The following ACADVL variants were observed in gnomAD, a reference collection of about 807,000 sequenced individuals.
ACADVL encodes very long-chain acyl-CoA dehydrogenase, mitochondrial.
A neutral mutation model predicts 80.4 loss-of-function variants in ACADVL; 73 were observed. That is an observed-to-expected ratio of 0.91 (90% CI 0.75 to 1.10). ACADVL has a LOEUF of 1.10. ACADVL is among the 50% of genes least tolerant of loss of function. ACADVL has a pLI of 0.00. For missense variants in ACADVL, 878 were observed against 858.9 expected (o/e 1.02, Z -0.28); for synonymous variants, 392 against 326.5 (o/e 1.20, Z -2.16).
chr17:7,223,145 A>C lies in ACADVL; in HGVS notation c.1090A>C (p.Thr364Pro). 6.2e-7 allele frequency: 1 copy of C among 1,613,690 alleles called. No homozygotes were observed. Among genetic ancestry groups the C allele is most frequent in the Non-Finnish European group, 8.5e-7 (1 of 1,179,608 alleles). ...GACCCTCTTCCAGGTAGATCATGCCACTAATCGTACCCAGTTTGGGGAGAA... is the reference window on the plus strand; with the variant it reads ...GACCCTCTTCCAGGTAGATCATGCCCCTAATCGTACCCAGTTTGGGGAGAA... ...GIIAKAVDHA[T>P]NRTQFGEKIH... Residue 364 changes from threonine to proline, a missense_variant, in exon 11 of 20, where the codon ACT becomes CCT. Thr to Pro is a conservative substitution (Grantham distance 38). Transcript: ENST00000356839.
intron 2 of ACADVL, 46 bp from the exon 3 acceptor site, chr17:7,220,418 C>T (rs1195046530): frequency 6.2e-7 from 1 of 1,611,604 alleles, no homozygotes; most frequent in Non-Finnish European, 8.5e-7. Context: ...CCCCTTGACA[C>T]AGCGGAAGTC....
Position 7,224,492 on chromosome 17 carries a change from C to A in ACADVL, c.1618C>A (p.Leu540Met), listed in dbSNP as rs865963860. Reference protein sequence around the residue: ...SRSGELAVRALEQFATVVEAK... With the variant: ...SRSGELAVRAMEQFATVVEAK... Reference sequence around the variant, plus strand: ...CCCATCTCTTAAGGCAGTACGGGCTCTGGAGCAGTTTGCCACTGTGGTGGA... The same window carrying A: ...CCCATCTCTTAAGGCAGTACGGGCTATGGAGCAGTTTGCCACTGTGGTGGA... The change falls in exon 17 of 20, where the codon CTG (leucine) becomes ATG (methionine). Residue 540 changes from leucine to methionine, a missense_variant. Leu to Met is a conservative substitution (Grantham distance 15). Transcript: ENST00000356839. The A allele has an allele frequency of 6.2e-7, 1 of 1,613,852 alleles. No individual in the cohort carries two copies. The highest frequency in any genetic ancestry group is 1.7e-4 in the Middle Eastern group (1 of 6,056).
rs768537914 is a variant in ACADVL at position 7,220,599 on chromosome 17, C to G, written c.205-5C>G. 9.3e-6 allele frequency: 15 copies of G among 1,614,210 alleles called. No homozygotes were observed. The highest frequency in any genetic ancestry group is 1.3e-5 in the Non-Finnish European group (15 of 1,180,040). On this transcript the variant is annotated splice_region_variant and splice_polypyrimidine_tract_variant and intron_variant, in intron 3 of 19. Coordinates refer to ENST00000356839, the MANE Select transcript of ACADVL (RefSeq NM_000018.4). ...GAGCCCTGAAATTTGCCTCTCTCTG[C>G]CCAGGAATCTAAGTCCTTTGCTGTG...
chr17:7,224,490 C>G lies in ACADVL; in HGVS notation c.1616C>G (p.Ala539Gly), dbSNP rs781613690. 6.2e-7 allele frequency: 1 copy of G among 1,613,806 alleles called. No individual in the cohort carries two copies. The highest frequency in any genetic ancestry group is 8.5e-7 in the Non-Finnish European group (1 of 1,180,004). ...TCCCCATCTCTTAAGGCAGTACGGG[C>G]TCTGGAGCAGTTTGCCACTGTGGTG... is the stretch of plus-strand genomic sequence containing the variant. ...LSRSGELAVR[A>G]LEQFATVVEA... is the part of the protein sequence containing the mutation. Residue 539 changes from alanine (A) to glycine (G), a missense_variant, in exon 17 of 20, where the codon GCT becomes GGT. Ala to Gly is a moderately conservative substitution (Grantham distance 60). Transcript: ENST00000356839.
rs398123081 is a variant in ACADVL, at chr17:7,223,980, G to C, written c.1345G>C (p.Glu449Gln). ...GGCCCTGTGCTAGGAACCTGGAGTA[G>C]AGCGTGTGCTCCGAGATCTTCGCAT... Reference protein sequence around the residue: ...GMGFMKEPGVERVLRDLRIFR... With the variant: ...GMGFMKEPGVQRVLRDLRIFR... The change falls in exon 14 of 20, where the codon GAG becomes CAG. Residue 449 changes from glutamate to glutamine, a missense_variant. By Grantham distance (29) the Glu-to-Gln change is conservative. Transcript: ENST00000356839. The C allele has an allele frequency of 1.2e-6, 2 of 1,613,812 alleles. No homozygotes were observed. Among genetic ancestry groups the C allele is most frequent in the East Asian group, 2.2e-5 (1 of 44,880 alleles).
rs1295605212 is a variant in ACADVL, at chr17:7,224,542, G to A, written c.1668G>A (p.Lys556=). 6.2e-7 allele frequency: 1 copy of A among 1,606,942 alleles called. No homozygotes were observed. Among genetic ancestry groups the A allele is most frequent in the South Asian group, 1.1e-5 (1 of 90,728 alleles). Residue 556 remains lysine (K), a synonymous_variant, in exon 17 of 20, where the codon AAG becomes AAA. Coordinates refer to ENST00000356839, the MANE Select transcript of ACADVL (RefSeq NM_000018.4). ...VVEAKLIKHK[K]GIVNEQFLLQ... is the part of the protein sequence containing the mutation. Reference sequence around the variant, plus strand: ...AGGCCAAGCTGATAAAACACAAGAAGGGGATTGTCAGTAAGTGAGCTCTAC... The same window carrying A: ...AGGCCAAGCTGATAAAACACAAGAAAGGGATTGTCAGTAAGTGAGCTCTAC...
At chr17:7,218,341 C>T, upstream of ACADVL, 1 of 1,542,554 alleles carries the variant, frequency 6.5e-7, no homozygotes, top group Middle Eastern at 1.7e-4. Flanking sequence ...GCACATCACC[C>T]CTGTCATCAC....
upstream of ACADVL, chr17:7,218,172 G>A: frequency 1.5e-6 from 2 of 1,375,532 alleles, no homozygotes; most frequent in South Asian, 1.3e-5. Context: ...TAATATTAGT[G>A]ATATTTGGCT....
upstream of ACADVL, chr17:7,219,509 C>T (rs41283403): frequency 0.034 from 35,857 of 1,065,010 alleles, 711 homozygotes; most frequent in Middle Eastern, 0.038. Flanking sequence ...ACCACTGTAC[C>T]CTCCCTTTTG....
upstream of ACADVL, chr17:7,217,714 A>G (rs2070996942): frequency 6.5e-7 from 1 of 1,534,264 alleles, no homozygotes; most frequent in Non-Finnish European, 8.7e-7. Flanking sequence ...CTGTGCTGGC[A>G]GGAACCCGGA....
intron 2 of ACADVL, 55 bp from the exon 3 acceptor site, chr17:7,220,409 C>G: frequency 6.2e-7 from 1 of 1,610,690 alleles, no homozygotes; most frequent in Non-Finnish European, 8.5e-7. Context: ...GCCTGTTCTC[C>G]CCTTGACACA....
At chr17:7,222,451 G>T in intron 9 of ACADVL, 149 bp downstream of exon 9, 1 of 1,322,728 alleles carries the variant, frequency 7.6e-7, no homozygotes. Context: ...GTATGCAACT[G>T]AGCTAAAGTT....
At chr17:7,222,347 C>T in intron 9 of ACADVL, 45 bp downstream of exon 9, 3 of 1,600,948 alleles carry the variant, frequency 1.9e-6, no homozygotes, top group Non-Finnish European at 2.6e-6. Context: ...AGGGGCAGGA[C>T]TGGGCTCCTG....
In ACADVL at chr17:7,225,060, G is replaced by A. The variant is rs774762384; in HGVS notation, c.1931G>A (p.Arg644Gln). Reference sequence around the variant, plus strand: ...AGCATCTCCAAGGCCTTGGTGGAGCGGGGTGGTGTGGTCACCAGCAACCCA... The same window carrying A: ...AGCATCTCCAAGGCCTTGGTGGAGCAGGGTGGTGTGGTCACCAGCAACCCA... ...FKSISKALVE[R>Q]GGVVTSNPLG... Residue 644 changes from arginine (R) to glutamine (Q), a missense_variant, in exon 20 of 20, where the codon CGG becomes CAG. Physicochemically the swap from Arg to Gln is conservative, Grantham distance 43 (BLOSUM62 1). Transcript: ENST00000356839. 29 of 1,614,066 alleles carry A rather than the reference G, an allele frequency of 1.8e-5. No homozygotes were observed. The highest frequency in any genetic ancestry group is 1.3e-4 in the East Asian group (6 of 44,870).
rs1214739991 is a variant in ACADVL, at chr17:7,224,236, C to T, written c.1525C>T (p.Leu509=). The change falls in exon 15 of 20, where the codon CTG becomes TTG. Residue 509 remains leucine, a synonymous_variant. Transcript: ENST00000356839. ...GLLLGEAGKQ[L]RRRAGLGSGL... ...CCTGCTAGGAGAGGCAGGCAAACAG[C>T]TGAGGCGGTAGGCTTAGGGCCAGAG... is the stretch of plus-strand genomic sequence containing the variant. 1 of 1,613,760 alleles carries T rather than the reference C, an allele frequency of 6.2e-7. No individual in the cohort carries two copies. The highest frequency in any genetic ancestry group is 1.3e-5 in the African/African-American group (1 of 74,920).
upstream of ACADVL, chr17:7,217,902 C>T: frequency 7.5e-7 from 1 of 1,341,472 alleles, no homozygotes; most frequent in Non-Finnish European, 1.0e-6. Context: ...AGGGAGGCCT[C>T]TCGGCAGGCG....
upstream of ACADVL, chr17:7,218,343 T>C: frequency 6.5e-7 from 1 of 1,540,050 alleles, no homozygotes; most frequent in Non-Finnish European, 8.9e-7. Context: ...ACATCACCCC[T>C]GTCATCACCG....
Position 7,224,068 on chromosome 17 carries a change from T to A in ACADVL, c.1433T>A (p.Met478Lys). 6.2e-7 allele frequency: 1 copy of A among 1,614,064 alleles called. No individual in the cohort carries two copies. The change falls in exon 14 of 20, where the codon ATG becomes AAG. Residue 478 changes from methionine (M) to lysine (K), a missense_variant and splice_region_variant. Coordinates refer to ENST00000356839, the MANE Select transcript of ACADVL (RefSeq NM_000018.4). Reference protein sequence around the residue: ...LRLFVALQGCMDKGKELSGLG... With the variant: ...LRLFVALQGCKDKGKELSGLG... Reference sequence around the variant, plus strand: ...CTGTTTGTGGCTCTGCAGGGCTGTATGGTAAGACAGAGAATTGGGTGGGGG... The same window carrying A: ...CTGTTTGTGGCTCTGCAGGGCTGTAAGGTAAGACAGAGAATTGGGTGGGGG...
rs946654479 is a variant in ACADVL, at chr17:7,224,324, G to A, written c.1536G>A (p.Arg512=). The change falls in exon 16 of 20, where the codon CGG becomes CGA. Residue 512 remains arginine (R), a synonymous_variant. Transcript: ENST00000356839. ...LGEAGKQLRR[R]AGLGSGLSLS... Reference sequence around the variant, plus strand: ...TCATTCTCCCTCTTCCTCTCAGGCGGGCAGGGCTGGGCAGCGGCCTGAGTC... The same window carrying A: ...TCATTCTCCCTCTTCCTCTCAGGCGAGCAGGGCTGGGCAGCGGCCTGAGTC... The A allele has an allele frequency of 5.6e-6, 9 of 1,613,694 alleles. No individual in the cohort carries two copies. In the African/African-American group the frequency reaches 1.1e-4, roughly 19 times the overall value.
Sources: allele counts gnomAD v4.1 joint callset, GRCh38; gene constraint gnomAD v4.1.1; transcripts MANE v1.5; gene names NCBI Gene and HGNC (gene_info 2026-07-23, HGNC 2026-07-21).